The following PARD3B variants were observed in gnomAD, a reference collection of about 807,000 sequenced individuals.
The protein encoded by PARD3B is partitioning defective 3 homolog B.
In PARD3B, 103 loss-of-function variants were observed where a neutral mutation model predicts 130.2. The ratio of observed to expected loss-of-function variants is 0.79; its 90% confidence interval spans 0.67 to 0.93. The LOEUF (loss-of-function observed/expected upper bound fraction) is 0.93, where lower values mean the gene tolerates loss of function less well. Ranked by LOEUF, PARD3B falls within the 40% of genes least tolerant of loss-of-function variation. PARD3B has a pLI of 0.00. For synonymous variants in PARD3B, 583 were observed against 553.2 expected (o/e 1.05, Z -0.76); for missense variants, 1,609 against 1,499.2 (o/e 1.07, Z -1.21).
At chr2:204,747,035 G>T (rs1034040673) in intron 2 of PARD3B, among the ~76,000 whole-genome samples, 4 of 152,106 alleles carry the variant, frequency 2.6e-5, no homozygotes, top group African/African-American at 9.7e-5. Context: ...TGGTGTTTTA[G>T]ACATGAAGTC....
At chr2:204,695,335 C>G (rs919395754) in intron 2 of PARD3B, among the ~76,000 whole-genome samples, 1 of 151,600 alleles carries the variant, frequency 6.6e-6, no homozygotes, top group African/African-American at 2.4e-5. Context: ...AAAATTATAC[C>G]AAATGGAAGA....
intron 2 of PARD3B, among the ~76,000 whole-genome samples, chr2:204,853,200 A>G (rs1023109952): frequency 1.3e-5 from 2 of 152,176 alleles, no homozygotes; most frequent in Non-Finnish European, 2.9e-5. Flanking sequence ...TTTGATAAAC[A>G]TATGTTCCAT....
chr2:204,794,317 T>C (rs1412336081), intron 2 of PARD3B, among the ~76,000 whole-genome samples: 1 of 152,216 alleles, frequency 6.6e-6, no homozygotes, highest in East Asian at 1.9e-4. Flanking sequence ...AGATTGTTTT[T>C]AAGTTTGATA....
In PARD3B at chr2:204,943,078, GA is replaced by G. The variant is rs1360670028; in HGVS notation, c.223-22073del. The stretch of plus-strand genomic sequence containing the variant: ...AGACTTTGTGTAAAAAGACAAGAAA[GA>G]CTTTGTGTAAATACACCTCTTTTTA... On this transcript the variant is annotated intron_variant, in intron 2 of 22. Coordinates refer to ENST00000406610, the MANE Select transcript of PARD3B (RefSeq NM_001302769.2). This position sits in a 1 kb window ranked among gnomAD's most constrained non-coding sequence, Gnocchi z 4.2. 2.6e-5 allele frequency among the ~76,000 whole-genome samples: 4 copies of G among 151,878 alleles called. No homozygotes were observed. The highest frequency in any genetic ancestry group is 9.7e-5 in the African/African-American group (4 of 41,298).
rs144760201 is a variant in PARD3B at position 204,697,354 on chromosome 2, T to C, written c.222+11072T>C. ...GGGTTCAGAGGGAGCCTGCTAACTG[T>C]CCTCAACTATTTGAGTGATCATAGA... On this transcript the variant is annotated intron_variant, in intron 2 of 22. Coordinates refer to ENST00000406610, the MANE Select transcript of PARD3B (RefSeq NM_001302769.2). 1.2e-3 allele frequency among the ~76,000 whole-genome samples: 185 copies of C among 152,286 alleles called. 1 individual carries two copies. The Middle Eastern group carries it at 0.017, about 14-fold the overall frequency.
rs1559591027 is a variant in PARD3B, at chr2:205,253,936, G to C, written c.2185+8114G>C. Reference sequence around the variant, plus strand: ...ACCACAGAGGTGGTTTGAAAGAAGAGGTTGGGTTGAAAATGAACAGTATTT... The same window carrying C: ...ACCACAGAGGTGGTTTGAAAGAAGACGTTGGGTTGAAAATGAACAGTATTT... On this transcript the variant is annotated intron_variant, in intron 16 of 22. Coordinates refer to ENST00000406610, the MANE Select transcript of PARD3B (RefSeq NM_001302769.2). This position sits in a 1 kb window ranked among gnomAD's most constrained non-coding sequence, Gnocchi z 4.4. 6.6e-6 allele frequency among the ~76,000 whole-genome samples: 1 copy of C among 151,876 alleles called. No homozygotes were observed.
At chr2:205,393,500 C>T (rs2045927014) in intron 18 of PARD3B, among the ~76,000 whole-genome samples, 1 of 152,194 alleles carries the variant, frequency 6.6e-6, no homozygotes, top group African/African-American at 2.4e-5. Context: ...GCATCATAGA[C>T]ACCCAAAGAC....
In PARD3B at chr2:204,977,075, A is replaced by G. The variant is rs1032415697; in HGVS notation, c.394+11752A>G. 3.9e-4 allele frequency among the ~76,000 whole-genome samples: 59 copies of G among 152,304 alleles called. 1 individual carries two copies. The highest frequency in any genetic ancestry group is 1.3e-3 in the African/African-American group (55 of 41,566). ...TTTTGGTTTTTCTCTCTTCAGACTT[A>G]TAAGTTAAATGCTAAAATGGCTTAT... is the stretch of plus-strand genomic sequence containing the variant. On this transcript the variant is annotated intron_variant, in intron 3 of 22. Transcript: ENST00000406610.
intron 18 of PARD3B, among the ~76,000 whole-genome samples, chr2:205,308,422 T>C (rs543353387): frequency 1.3e-5 from 2 of 151,978 alleles, no homozygotes; most frequent in African/African-American, 2.4e-5. Context: ...CTGGCTAACA[T>C]GGTGAAACCC....
intron 19 of PARD3B, among the ~76,000 whole-genome samples, chr2:205,401,531 C>T (rs529018392): frequency 6.6e-6 from 1 of 152,118 alleles, no homozygotes; most frequent in African/African-American, 2.4e-5. Context: ...CGTTTGGGTC[C>T]TGTAATTTGA....
At chr2:205,487,041 A>G (rs1483783041) in intron 20 of PARD3B, among the ~76,000 whole-genome samples, 2 of 152,202 alleles carry the variant, frequency 1.3e-5, no homozygotes, top group Non-Finnish European at 2.9e-5. Context: ...TGTGTTTATT[A>G]CATAGCACGA....
intron 5 of PARD3B, among the ~76,000 whole-genome samples, chr2:205,111,405 A>G (rs909174310): frequency 6.6e-6 from 1 of 152,044 alleles, no homozygotes; most frequent in African/African-American, 2.4e-5. Context: ...CATTCTCACA[A>G]ATTTTTTAAG....
At chr2:204,861,217 A>G (rs1385539436) in intron 2 of PARD3B, among the ~76,000 whole-genome samples, 1 of 99,448 alleles carries the variant, frequency 1.0e-5, no homozygotes, top group African/African-American at 3.4e-5. Context: ...TCTCTCTCGT[A>G]CCTCTTATTT....
chr2:204,789,739 A>AG (rs2042134283), intron 2 of PARD3B, among the ~76,000 whole-genome samples: 12 of 152,104 alleles, frequency 7.9e-5, no homozygotes, highest in Non-Finnish European at 1.2e-4. Context: ...ATTCTTGTCA[A>AG]TATTAGTTTT....
rs2035450422 is a variant in PARD3B, at chr2:205,176,031, C to T, written c.1792-414C>T. On this transcript the variant is annotated intron_variant, in intron 12 of 22. Transcript: ENST00000406610. This position sits in a 1 kb window ranked among gnomAD's most constrained non-coding sequence, Gnocchi z 5.3. ...CGAACCTGCTTGAATTCTGACTTGT[C>T]CTAGAGCATATGCACTTAGGCGCAG... Among the ~76,000 whole-genome samples, 1 of 152,128 alleles carries T rather than the reference C, an allele frequency of 6.6e-6. No individual in the cohort carries two copies. The highest frequency in any genetic ancestry group is 6.5e-5 in the Admixed American group (1 of 15,276).
At chr2:205,110,057 C>T (rs1703517316) in intron 5 of PARD3B, among the ~76,000 whole-genome samples, 1 of 152,168 alleles carries the variant, frequency 6.6e-6, no homozygotes, top group Admixed American at 6.5e-5. Flanking sequence ...AAAGTTACCA[C>T]TGGGATACAC....
At chr2:205,136,794 T>C (rs1224316829) in intron 10 of PARD3B, among the ~76,000 whole-genome samples, 1 of 152,206 alleles carries the variant, frequency 6.6e-6, no homozygotes. Flanking sequence ...TCTATGATAA[T>C]CAAAGAAAGG....
intron 22 of PARD3B, among the ~76,000 whole-genome samples, chr2:205,577,667 T>C (rs1170261879): frequency 3.9e-5 from 6 of 152,234 alleles, no homozygotes; most frequent in Non-Finnish European, 7.3e-5. Flanking sequence ...GAATTACGCT[T>C]GGCAATGTTT....
intron 4 of PARD3B, among the ~76,000 whole-genome samples, chr2:205,058,445 G>A (rs762527365): frequency 1.1e-4 from 16 of 151,748 alleles, no homozygotes; most frequent in East Asian, 3.9e-4. Context: ...ATTTCTTTCC[G>A]GGAGATGTCC....
Sources: allele counts gnomAD v4.1 joint callset (sites outside exome capture counted in the v4.1 genomes callset), GRCh38; gene constraint gnomAD v4.1.1; non-coding constraint Gnocchi (gnomAD v3.1); transcripts MANE v1.5; gene names NCBI Gene and HGNC (gene_info 2026-07-23, HGNC 2026-07-21).